Variants in SHB observed in about 807,000 individuals in gnomAD.
The protein encoded by SHB is SH2 domain-containing adapter protein B.
SHB carries 20 observed loss-of-function variants against 52.3 expected under a neutral mutation model. The observed-to-expected ratio is 0.38, with a 90% CI of 0.27 to 0.56. The LOEUF (loss-of-function observed/expected upper bound fraction) is 0.56. SHB is among the 20% of genes least tolerant of loss of function. The pLI, the probability that SHB is intolerant of heterozygous loss-of-function variation, is 0.71. For synonymous variants in SHB, 397 were observed against 316.5 expected (o/e 1.25, Z -2.70); for missense variants, 825 against 723.3 (o/e 1.14, Z -1.61).
intron 1 of SHB, among the ~76,000 whole-genome samples, chr9:38,058,463 G>C (rs34598449): frequency 1.5e-3 from 221 of 152,284 alleles, no homozygotes; most frequent in Middle Eastern, 6.8e-3. Context: ...CCACACGCTG[G>C]AATCTGCCCC....
At position 37,916,986 on chromosome 9, in the gene SHB, T is replaced by C. The variant is rs1832107519; in HGVS notation, c.*2835A>G. On this transcript the variant is annotated 3_prime_UTR_variant, in exon 6 of 6. Transcript: ENST00000377707. ...CGTTGTGTGGCAGGAGCTTTTCTTT[T>C]CTCTCAAAGAAATCCAGCTCAATTT... Among the ~76,000 whole-genome samples, 1 of 151,102 alleles carries C rather than the reference T, an allele frequency of 6.6e-6. No individual in the cohort carries two copies. Among genetic ancestry groups the C allele is most frequent in the Non-Finnish European group, 1.5e-5 (1 of 67,912 alleles).
At chr9:37,950,459 G>A (rs1454993433) in intron 4 of SHB, among the ~76,000 whole-genome samples, 3 of 152,124 alleles carry the variant, frequency 2.0e-5, no homozygotes, top group South Asian at 2.1e-4. Context: ...AAGAGCTGAC[G>A]GTAAAACTGC....
chr9:38,068,408 G>C lies in SHB; in HGVS notation c.238C>G (p.Leu80Val). 6.4e-6 allele frequency: 10 copies of C among 1,572,448 alleles called. No individual in the cohort carries two copies. The highest frequency in any genetic ancestry group is 8.6e-6 in the Non-Finnish European group (10 of 1,163,264). The change falls in exon 1 of 6, where the codon CTC becomes GTC. Residue 80 changes from leucine to valine, a missense_variant. Coordinates refer to ENST00000377707, the MANE Select transcript of SHB (RefSeq NM_003028.3). ...TTCTGCGCGCGGTAGGCGCGGATGA[G>C]GTCGCTGGTGCTGCCGCTGTCGTCG... ...LPDDSGSTSD[L>V]IRAYRAQKER...
chr9:38,019,866 G>A (rs1053126636), intron 1 of SHB, among the ~76,000 whole-genome samples: 18 of 152,120 alleles, frequency 1.2e-4, no homozygotes, highest in Non-Finnish European at 2.1e-4. Context: ...AGTTCCATAC[G>A]ATGTAACATT....
At chr9:37,952,233 C>T (rs10758463) in intron 4 of SHB, among the ~76,000 whole-genome samples, 92,327 of 152,012 alleles carry the variant, frequency 0.61, 28,656 homozygotes, top group East Asian at 0.91. Flanking sequence ...GTGACTGGGG[C>T]TGTATGAGAT....
intron 5 of SHB, among the ~76,000 whole-genome samples, chr9:37,934,596 C>T (rs564378353): frequency 6.6e-6 from 1 of 152,240 alleles, no homozygotes; most frequent in Admixed American, 6.5e-5. Flanking sequence ...CCACTGTGTA[C>T]AGTTGGGTCC....
chr9:37,984,926 C>T (rs542688389), intron 2 of SHB, among the ~76,000 whole-genome samples: 58 of 152,272 alleles, frequency 3.8e-4, no homozygotes, highest in African/African-American at 1.3e-3. Context: ...AAGGGCAAGG[C>T]AGGGCAGGGC....
At position 38,025,960 on chromosome 9, in the gene SHB, T is replaced by C. The variant is rs567178998; in HGVS notation, c.718-9829A>G. On this transcript the variant is annotated intron_variant, in intron 1 of 5. Coordinates refer to ENST00000377707, the MANE Select transcript of SHB (RefSeq NM_003028.3). ...GACCTATGTCATCTGTTGAACTACATATTTACAGAGTGCCTCCCAAACTGG... is the reference window on the plus strand; with the variant it reads ...GACCTATGTCATCTGTTGAACTACACATTTACAGAGTGCCTCCCAAACTGG... Among the ~76,000 whole-genome samples the C allele has an allele frequency of 5.9e-5, 9 of 152,286 alleles. No individual in the cohort carries two copies. The East Asian group carries it at 1.7e-3, about 29-fold the overall frequency.
At chr9:38,028,643 G>A (rs1821375178) in intron 1 of SHB, among the ~76,000 whole-genome samples, 1 of 152,250 alleles carries the variant, frequency 6.6e-6, no homozygotes, top group African/African-American at 2.4e-5. Flanking sequence ...TCCAGCGCAG[G>A]CTGAGTTAGC....
chr9:37,976,185 A>G (rs1820651801), intron 2 of SHB, among the ~76,000 whole-genome samples: 1 of 152,090 alleles, frequency 6.6e-6, no homozygotes. Context: ...ACAAATGTGC[A>G]CCACCACACC....
intron 2 of SHB, among the ~76,000 whole-genome samples, chr9:37,975,900 G>A (rs1426917084): frequency 1.3e-5 from 2 of 152,214 alleles, no homozygotes; most frequent in African/African-American, 4.8e-5. Flanking sequence ...GCTCTGACAA[G>A]TGGAAGCAGG....
chr9:37,976,433 T>C (rs1820653990), intron 2 of SHB, among the ~76,000 whole-genome samples: 1 of 152,178 alleles, frequency 6.6e-6, no homozygotes, highest in Non-Finnish European at 1.5e-5. Context: ...TCTAGAACTG[T>C]TTCATCTTCC....
intron 1 of SHB, among the ~76,000 whole-genome samples, chr9:38,044,211 T>C (rs1821616500): frequency 6.6e-6 from 1 of 152,208 alleles, no homozygotes; most frequent in African/African-American, 2.4e-5. Context: ...GGGCAAATAA[T>C]GGGGTGAGCG....
chr9:37,991,249 T>C (rs1413507694), intron 2 of SHB, among the ~76,000 whole-genome samples: 1 of 152,188 alleles, frequency 6.6e-6, no homozygotes, highest in African/African-American at 2.4e-5. Flanking sequence ...AGAGGGCAGA[T>C]ACCTGAGCTG....
At chr9:37,938,973 C>T (rs1407597294) in intron 5 of SHB, among the ~76,000 whole-genome samples, 1 of 152,220 alleles carries the variant, frequency 6.6e-6, no homozygotes, top group Non-Finnish European at 1.5e-5. Context: ...GGGAGAGCCA[C>T]TATCCACCCA....
intron 2 of SHB, among the ~76,000 whole-genome samples, chr9:37,999,161 T>G (rs1820983374): frequency 6.6e-6 from 1 of 152,150 alleles, no homozygotes; most frequent in Non-Finnish European, 1.5e-5. Flanking sequence ...AAGTCTGGGC[T>G]CAGATCTGAG....
In SHB at chr9:38,068,355, G is replaced by A. The variant is rs371297709; in HGVS notation, c.291C>T (p.Asn97=). ...QKERDFEDPY[N]GPGSSLRKLR... ...GTTTGCGCAGCGACGAGCCAGGCCC[G>A]TTGTAGGGGTCCTCGAAGTCTCGCT... is the stretch of plus-strand genomic sequence containing the variant. Residue 97 remains asparagine (N), a synonymous_variant, in exon 1 of 6, where the codon AAC becomes AAT. Transcript: ENST00000377707. 101 of 1,565,872 alleles carry A rather than the reference G, an allele frequency of 6.5e-5. No homozygotes were observed. Among genetic ancestry groups the A allele is most frequent in the Non-Finnish European group, 8.2e-5 (95 of 1,160,354 alleles).
chr9:37,949,997 C>A (rs1049940201), intron 4 of SHB, among the ~76,000 whole-genome samples: 6 of 152,192 alleles, frequency 3.9e-5, no homozygotes, highest in Non-Finnish European at 8.8e-5. Flanking sequence ...AGTGCCGTGG[C>A]GCGATAATAG....
chr9:38,068,852 C>T lies in SHB; in HGVS notation c.-207G>A, dbSNP rs1822016103. ...CTCCGGCGGCTGCAACACCTCCCTC[C>T]GCCTAGCGCCGCCCAAGCTAGGAAT... On this transcript the variant is annotated 5_prime_UTR_variant, in exon 1 of 6. Coordinates refer to ENST00000377707, the MANE Select transcript of SHB (RefSeq NM_003028.3). 1 of 155,878 alleles carries T rather than the reference C, an allele frequency of 6.4e-6. No homozygotes were observed. The highest frequency in any genetic ancestry group is 3.2e-3 in the Middle Eastern group (1 of 310). The allele number at this position is 155,878 out of a possible 1,614,324, so 9.7% of individuals were successfully genotyped here.
Sources: allele counts gnomAD v4.1 joint callset (sites outside exome capture counted in the v4.1 genomes callset), GRCh38; gene constraint gnomAD v4.1.1; transcripts MANE v1.5; gene names NCBI Gene and HGNC (gene_info 2026-07-23, HGNC 2026-07-21).